ZNF385D: variants seen among roughly 807,000 people sequenced by gnomAD.
ZNF385D encodes the protein zinc finger protein 659.
ZNF385D carries 15 observed loss-of-function variants against 35.8 expected under a neutral mutation model. That is an observed-to-expected ratio of 0.42 (90% CI 0.28 to 0.64). The LOEUF is 0.64. Ranked by LOEUF, ZNF385D falls within the 30% of genes least tolerant of loss-of-function variation. The probability of loss-of-function intolerance (pLI) is 0.23; values close to 1 mark genes in which losing one functional copy is unlikely to be tolerated. For synonymous variants in ZNF385D, 212 were observed against 186.8 expected, an observed-to-expected ratio of 1.13 and a Z score of -1.10; for missense variants, 474 against 494.6, an observed-to-expected ratio of 0.96 and a Z score of 0.39.
At chr3:21,947,364 T>C (rs970608789) in intron 3 of ZNF385D, among the ~76,000 whole-genome samples, 10 of 151,914 alleles carry the variant, frequency 6.6e-5, no homozygotes, top group African/African-American at 2.4e-4. Flanking sequence ...TTTATTTATT[T>C]ATTTTGAGAC....
At chr3:21,715,272 G>T (rs1379219226) in intron 1 of ZNF385D, among the ~76,000 whole-genome samples, 1 of 151,892 alleles carries the variant, frequency 6.6e-6, no homozygotes, top group Non-Finnish European at 1.5e-5. Context: ...AGTTTCCATT[G>T]TCTATCATTC....
chr3:21,762,312 C>T (rs1041275901), intron 3 of ZNF385D, among the ~76,000 whole-genome samples: 1 of 152,140 alleles, frequency 6.6e-6, no homozygotes, highest in Non-Finnish European at 1.5e-5. Context: ...CAAACTTCTA[C>T]AATTCATCTA....
intron 3 of ZNF385D, among the ~76,000 whole-genome samples, chr3:21,928,417 T>C (rs1189380003): frequency 1.3e-5 from 2 of 149,564 alleles, no homozygotes; most frequent in Non-Finnish European, 1.5e-5. Flanking sequence ...AAGAAAGGGA[T>C]GCAGGGAGGG....
intron 3 of ZNF385D, among the ~76,000 whole-genome samples, chr3:21,851,149 A>C (rs1696359710): frequency 6.6e-6 from 1 of 152,042 alleles, no homozygotes; most frequent in Non-Finnish European, 1.5e-5. Flanking sequence ...GTACATTAAA[A>C]AAGAACCAAA....
intron 5 of ZNF385D, 76 bp from the exon 6 acceptor site, chr3:21,425,746 G>A: frequency 7.2e-7 from 1 of 1,382,174 alleles, no homozygotes; most frequent in African/African-American, 1.5e-5. Flanking sequence ...GGGATGGGAG[G>A]AAAAAAATCT....
At chr3:21,629,167 G>C (rs1287282606) in intron 2 of ZNF385D, among the ~76,000 whole-genome samples, 4 of 152,046 alleles carry the variant, frequency 2.6e-5, no homozygotes, top group Non-Finnish European at 5.9e-5. Flanking sequence ...ATTTTGGGGA[G>C]GTGCACCCTT....
chr3:22,133,997 A>G (rs1413283363), intron 3 of ZNF385D: 1 of 152,196 alleles, frequency 6.6e-6, no homozygotes, highest in Admixed American at 6.6e-5. Flanking sequence ...TGTAAACTAT[A>G]GAAAGGCAGA....
chr3:21,552,530 TA>T (rs1235125014), intron 3 of ZNF385D, among the ~76,000 whole-genome samples: 3 of 152,228 alleles, frequency 2.0e-5, no homozygotes, highest in Non-Finnish European at 4.4e-5. Context: ...ATGTCATTTA[TA>T]AAAACATTAG....
intron 1 of ZNF385D, among the ~76,000 whole-genome samples, chr3:21,723,277 A>C (rs182608518): frequency 6.6e-6 from 1 of 152,330 alleles, no homozygotes; most frequent in East Asian, 1.9e-4. Flanking sequence ...GCCAGCAAGG[A>C]AACAAAACTG....
Position 22,278,018 on chromosome 3 carries a change from C to T in ZNF385D, c.106+94432G>A, listed in dbSNP as rs192627759. On this transcript the variant is annotated intron_variant, in intron 2 of 5. Transcript: ENST00000494108. ...CTCCTACTTTCAGTGCTCTCCCTTG[C>T]GCTCCCCAACACTGTGTATCTCCAC... Among the ~76,000 whole-genome samples, 22 of 152,156 alleles carry T rather than the reference C, an allele frequency of 1.4e-4. 1 individual carries two copies. The highest frequency in any genetic ancestry group is 2.5e-4 in the Non-Finnish European group (17 of 67,988).
intron 3 of ZNF385D, among the ~76,000 whole-genome samples, chr3:22,031,618 C>T (rs1698008075): frequency 6.6e-6 from 1 of 152,170 alleles, no homozygotes. Context: ...CATTTTTTCC[C>T]TCCTATGATG....
chr3:21,871,303 C>A (rs1011160546), intron 3 of ZNF385D, among the ~76,000 whole-genome samples: 4 of 152,130 alleles, frequency 2.6e-5, no homozygotes, highest in African/African-American at 9.7e-5. Context: ...TTTAACCTTG[C>A]ACTCTCATCA....
intron 2 of ZNF385D, among the ~76,000 whole-genome samples, chr3:21,589,869 A>C (rs2063918479): frequency 6.6e-6 from 1 of 152,196 alleles, no homozygotes; most frequent in Non-Finnish European, 1.5e-5. Context: ...GATGTAGAAC[A>C]AAAAGAACTC....
At chr3:21,754,209 A>G (rs146437302), upstream of ZNF385D, among the ~76,000 whole-genome samples, 1 of 152,184 alleles carries the variant, frequency 6.6e-6, no homozygotes, top group Non-Finnish European at 1.5e-5. Flanking sequence ...ATGAAACCAC[A>G]GCTGATCTTG....
chr3:22,126,711 G>A (rs1465333342), intron 3 of ZNF385D, among the ~76,000 whole-genome samples: 3 of 152,088 alleles, frequency 2.0e-5, no homozygotes, highest in Non-Finnish European at 4.4e-5. Flanking sequence ...GGTCTATGGA[G>A]CAGATTAGTT....
rs182392763 is a variant in ZNF385D at position 22,111,146 on chromosome 3, T to G, written c.325+57671A>C. 1.5e-3 allele frequency among the ~76,000 whole-genome samples: 203 copies of G among 137,698 alleles called. 1 individual carries two copies. The highest frequency in any genetic ancestry group is 5.3e-3 in the African/African-American group (197 of 37,340). The allele number at this position is 137,698 out of a possible 152,430, so 90.3% of individuals were successfully genotyped here. ...AAAGCAGTAACATATTGAGGCTCCA[T>G]GTTGGATTTTTTTTTTTTTTTTTTT... On this transcript the variant is annotated intron_variant, in intron 3 of 5. Transcript: ENST00000494108.
chr3:21,634,243 C>A (rs2065361241), intron 2 of ZNF385D, among the ~76,000 whole-genome samples: 1 of 136,984 alleles, frequency 7.3e-6, no homozygotes, highest in South Asian at 2.3e-4. Flanking sequence ...GAAGGGAGAG[C>A]AGAAGGGAGG....
intron 2 of ZNF385D, among the ~76,000 whole-genome samples, chr3:22,339,154 A>C (rs536721817): frequency 2.7e-4 from 41 of 152,328 alleles, no homozygotes; most frequent in Non-Finnish European, 5.6e-4. Context: ...CCTTGCTAAT[A>C]AACTACTCCT....
chr3:22,149,074 C>G lies in ZNF385D; in HGVS notation c.325+19743G>C, dbSNP rs187585493. On this transcript the variant is annotated intron_variant, in intron 3 of 5. Coordinates refer to the ZNF385D transcript ENST00000494108. ...AAACTGTGATCCCAGGACCAGCAGC[C>G]GCAGCATCAACTAAGAGCTGGTTAG... Among the ~76,000 whole-genome samples the G allele has an allele frequency of 4.3e-3, 648 of 152,208 alleles. 3 individuals carry two copies. The highest frequency in any genetic ancestry group is 0.01 in the Middle Eastern group (3 of 294).
Sources: gnomAD v4.1 joint callset for allele counts (sites outside exome capture counted in the v4.1 genomes callset) on GRCh38, gnomAD v4.1.1 for gene constraint, MANE v1.5 for transcripts, NCBI Gene and HGNC (gene_info 2026-07-23, HGNC 2026-07-21) for gene names.